The following GNAL variants were observed in gnomAD, a reference collection of about 807,000 sequenced individuals.
GNAL encodes the protein G protein subunit alpha L, also known as guanine nucleotide-binding protein G(olf) subunit alpha.
Under a neutral mutation model 55.1 loss-of-function variants are expected in GNAL, and 18 were observed. The observed-to-expected ratio is 0.33, with a 90% CI of 0.23 to 0.48. The LOEUF is 0.48. Ranked by LOEUF, GNAL falls within the 20% of genes least tolerant of loss-of-function variation. GNAL has a pLI of 0.99. For missense variants in GNAL, 412 were observed against 614.1 expected (o/e 0.67, Z 3.48); for synonymous variants, 253 against 237.0 (o/e 1.07, Z -0.62).
At chr18:11,780,231 A>G (rs1351894570) in intron 4 of GNAL, among the ~76,000 whole-genome samples, 1 of 152,124 alleles carries the variant, frequency 6.6e-6, no homozygotes, top group Non-Finnish European at 1.5e-5. Flanking sequence ...CAATCCCTGA[A>G]GTAGAGGCAT....
At chr18:11,747,100 G>A (rs1291485604) in intron 1 of GNAL, 1 of 430,194 alleles carries the variant, frequency 2.3e-6, no homozygotes, top group Admixed American at 2.6e-5. Flanking sequence ...TATTTGTTTG[G>A]TGTTCTCAGC....
chr18:11,885,224 TG>T lies in GNAL; in HGVS notation c.*4091del, dbSNP rs1306745300. Reference sequence around the variant, plus strand: ...ATCATGAGCTGGATGCAGGAGCCCATGGCTGAAAGGAGTTAAAACGCCCAGT... The same window carrying T: ...ATCATGAGCTGGATGCAGGAGCCCATGCTGAAAGGAGTTAAAACGCCCAGT... On this transcript the variant is annotated 3_prime_UTR_variant, in exon 12 of 12. Transcript: ENST00000334049. 2.9e-6 allele frequency: 1 copy of T among 341,352 alleles called. No individual in the cohort carries two copies. Among genetic ancestry groups the T allele is most frequent in the African/African-American group, 2.2e-5 (1 of 44,882 alleles). The allele number at this position is 341,352 out of a possible 1,614,324, so 21.1% of individuals were successfully genotyped here. A position where few individuals can be genotyped will look rare whatever the true frequency, so the allele number is the denominator to read the frequency against.
Position 11,862,282 on chromosome 18 carries a change from C to T in GNAL, c.723-113C>T, listed in dbSNP as rs2036164352. 3 of 715,904 alleles carry T rather than the reference C, an allele frequency of 4.2e-6. No homozygotes were observed. In the Admixed American group the frequency reaches 6.6e-5, roughly 16 times the overall value. The allele number at this position is 715,904 out of a possible 1,614,324, so 44.3% of individuals were successfully genotyped here. A position where few individuals can be genotyped will look rare whatever the true frequency, so the allele number is the denominator to read the frequency against. ...ACAAAGTAAGAACTCACTTCAGCTT[C>T]TTGGCCTGCCCCCATCCTTGCTGTA... is the stretch of plus-strand genomic sequence containing the variant. On this transcript the variant is annotated intron_variant, in intron 5 of 11. Transcript: ENST00000334049.
intron 4 of GNAL, among the ~76,000 whole-genome samples, chr18:11,799,363 C>T (rs955852307): frequency 6.6e-6 from 1 of 152,168 alleles, no homozygotes; most frequent in Non-Finnish European, 1.5e-5. Flanking sequence ...GATATCTGTT[C>T]ATTGCTCTGT....
intron 6 of GNAL, among the ~76,000 whole-genome samples, chr18:11,863,173 C>T (rs1354968994): frequency 6.6e-6 from 1 of 152,170 alleles, no homozygotes; most frequent in Non-Finnish European, 1.5e-5. Context: ...GCCACCGTGC[C>T]CAGCCCACTC....
intron 9 of GNAL, among the ~76,000 whole-genome samples, chr18:11,870,195 T>C (rs151206935): frequency 6.6e-6 from 1 of 152,250 alleles, no homozygotes; most frequent in African/African-American, 2.4e-5. Flanking sequence ...GGGTTCAAAA[T>C]AGGTTTTGTT....
chr18:11,838,316 T>C (rs746632771), intron 5 of GNAL, among the ~76,000 whole-genome samples: 4 of 152,148 alleles, frequency 2.6e-5, no homozygotes, highest in Non-Finnish European at 4.4e-5. Flanking sequence ...AGACCACATA[T>C]GGTATCATTT....
chr18:11,841,724 G>C (rs920618509), intron 5 of GNAL, among the ~76,000 whole-genome samples: 2 of 151,948 alleles, frequency 1.3e-5, no homozygotes, highest in Non-Finnish European at 2.9e-5. Flanking sequence ...AGGAAGCTCT[G>C]TGAGCACCTC....
chr18:11,819,474 A>G lies in GNAL; in HGVS notation c.625-5444A>G, dbSNP rs1333257159. On this transcript the variant is annotated intron_variant, in intron 4 of 11. Coordinates refer to ENST00000334049, the MANE Select transcript of GNAL (RefSeq NM_182978.4). ...TTTAAAAAATAGGTTTAAACTTGGT[A>G]TCATTATTTTTATTTTATATAACTG... 2.6e-5 allele frequency among the ~76,000 whole-genome samples: 4 copies of G among 152,304 alleles called. No individual in the cohort carries two copies. In the South Asian group the frequency reaches 8.3e-4, roughly 32 times the overall value.
At chr18:11,876,755 A>G in intron 11 of GNAL, 67 bp downstream of exon 11, 2 of 857,076 alleles carry the variant, frequency 2.3e-6, no homozygotes, top group Non-Finnish European at 4.1e-6. Context: ...TACAATATGC[A>G]AATTACTCCT....
At chr18:11,746,350 C>G (rs1001302806) in intron 1 of GNAL, 1 of 297,922 alleles carries the variant, frequency 3.4e-6, no homozygotes, top group African/African-American at 2.2e-5. Context: ...TGGCTCACAC[C>G]TGTAATCCCA....
rs1214749524 is a variant in GNAL at position 11,836,579 on chromosome 18, A to G, written c.722+11564A>G. ...TGGAGGCACATTTTATGCACATTAG[A>G]TGAACTAACATAGTAATCCTCACAC... On this transcript the variant is annotated intron_variant, in intron 5 of 11. Transcript: ENST00000334049. Among the ~76,000 whole-genome samples the G allele has an allele frequency of 2.0e-5, 3 of 152,218 alleles. No homozygotes were observed. In the East Asian group the frequency reaches 5.8e-4, roughly 29 times the overall value.
chr18:11,749,372 G>A (rs1179903070), intron 1 of GNAL, among the ~76,000 whole-genome samples: 4 of 152,094 alleles, frequency 2.6e-5, no homozygotes, highest in African/African-American at 4.8e-5. Context: ...TTTTTTAAAT[G>A]TATTTTTATT....
At chr18:11,810,288 G>A (rs769514762) in intron 4 of GNAL, 4 of 152,324 alleles carry the variant, frequency 2.6e-5, no homozygotes, top group Non-Finnish European at 5.9e-5. Context: ...CAGCTACTCA[G>A]GAGGCTGAGG....
At chr18:11,717,973 C>T (rs989267028) in intron 1 of GNAL, among the ~76,000 whole-genome samples, 2 of 152,134 alleles carry the variant, frequency 1.3e-5, no homozygotes, top group Admixed American at 6.5e-5. Context: ...CTTAAGCAAA[C>T]ATGCTAAACA....
chr18:11,729,332 G>A (rs941296341), intron 1 of GNAL, among the ~76,000 whole-genome samples: 6 of 152,034 alleles, frequency 3.9e-5, no homozygotes, highest in African/African-American at 1.4e-4. Flanking sequence ...TGCCCACTCT[G>A]CCTTCCCTAA....
chr18:11,829,508 C>T (rs2035328751), intron 5 of GNAL, among the ~76,000 whole-genome samples: 1 of 152,124 alleles, frequency 6.6e-6, no homozygotes, highest in Admixed American at 6.5e-5. Flanking sequence ...AAAGCTGCTC[C>T]CATCTCCCAC....
At chr18:11,869,804 G>C (rs1238426041) in intron 9 of GNAL, among the ~76,000 whole-genome samples, 1 of 152,136 alleles carries the variant, frequency 6.6e-6, no homozygotes, top group Non-Finnish European at 1.5e-5. Context: ...AGCTACTTGG[G>C]AAGCTGAGGC....
At chr18:11,762,802 T>C (rs2033286903) in intron 4 of GNAL, among the ~76,000 whole-genome samples, 1 of 152,238 alleles carries the variant, frequency 6.6e-6, no homozygotes, top group Non-Finnish European at 1.5e-5. Context: ...GAGACCAGGC[T>C]TTGTATCTGC....
Sources: allele counts gnomAD v4.1 joint callset (sites outside exome capture counted in the v4.1 genomes callset), GRCh38; gene constraint gnomAD v4.1.1; transcripts MANE v1.5; gene names NCBI Gene and HGNC (gene_info 2026-07-23, HGNC 2026-07-21).